Variants in NTM observed in about 807,000 individuals in gnomAD.
The protein encoded by NTM is IgLON family member 2.
A neutral mutation model predicts 42.1 loss-of-function variants in NTM; 13 were observed. That is an observed-to-expected ratio of 0.31 (90% confidence interval 0.20 to 0.49). NTM has a LOEUF of 0.49. Ranked by LOEUF, NTM falls within the 20% of genes least tolerant of loss-of-function variation. The pLI is 0.99. For missense variants in NTM, 373 were observed against 452.8 expected (o/e 0.82, Z 1.60); for synonymous variants, 187 against 179.2 (o/e 1.04, Z -0.35).
intron 2 of NTM, among the ~76,000 whole-genome samples, chr11:132,110,833 G>A (rs1056576068): frequency 2.6e-5 from 4 of 151,572 alleles, no homozygotes; most frequent in African/African-American, 9.7e-5. Context: ...TCAGATGTTC[G>A]AGACCAGCCT....
At chr11:132,078,890 CCAATTCTGAATGGGATTT>C (rs1566101946) in intron 2 of NTM, among the ~76,000 whole-genome samples, 3 of 152,142 alleles carry the variant, frequency 2.0e-5, no homozygotes, top group African/African-American at 7.2e-5. Flanking sequence ...TGGAATTTTG[CCAATTCTGAATGGGATTT>C]CAATAAGGAG....
chr11:131,933,317 C>T (rs753068741), intron 2 of NTM, among the ~76,000 whole-genome samples: 1 of 152,220 alleles, frequency 6.6e-6, no homozygotes, highest in Non-Finnish European at 1.5e-5. Flanking sequence ...GGGCTCAGCT[C>T]TTTCTGGTGC....
chr11:131,494,378 G>T (rs185713601), intron 1 of NTM, among the ~76,000 whole-genome samples: 5 of 152,162 alleles, frequency 3.3e-5, no homozygotes, highest in Non-Finnish European at 5.9e-5. Flanking sequence ...ACAGCTAAAC[G>T]TGCCATGGAA....
intron 4 of NTM, among the ~76,000 whole-genome samples, chr11:132,282,419 GAC>G (rs2094008299): frequency 6.6e-6 from 1 of 152,154 alleles, no homozygotes; most frequent in Non-Finnish European, 1.5e-5. Context: ...TTTACACAAA[GAC>G]ACATTTTTTA....
chr11:131,460,880 G>GA (rs899296578), intron 1 of NTM, among the ~76,000 whole-genome samples: 1 of 152,202 alleles, frequency 6.6e-6, no homozygotes, highest in Non-Finnish European at 1.5e-5. Flanking sequence ...TGTCACTGGG[G>GA]AAATTCAGCC....
At chr11:132,247,182 G>T (rs2139316912) in intron 4 of NTM, among the ~76,000 whole-genome samples, 1 of 152,316 alleles carries the variant, frequency 6.6e-6, no homozygotes, top group South Asian at 2.1e-4. Context: ...ATCGCCCTGT[G>T]GTTTGCCATC....
intron 1 of NTM, among the ~76,000 whole-genome samples, chr11:131,812,781 G>C (rs1399915761): frequency 6.6e-6 from 1 of 152,168 alleles, no homozygotes; most frequent in Non-Finnish European, 1.5e-5. Flanking sequence ...AGTGGAGAGG[G>C]AAGATGACTG....
At chr11:131,894,858 C>T (rs756056033) in intron 1 of NTM, among the ~76,000 whole-genome samples, 17 of 152,190 alleles carry the variant, frequency 1.1e-4, no homozygotes, top group Non-Finnish European at 2.4e-4. Context: ...TCTCTGTCAG[C>T]CTTGCTTCAC....
intron 2 of NTM, among the ~76,000 whole-genome samples, chr11:131,929,324 G>C (rs1370707443): frequency 2.1e-5 from 3 of 141,070 alleles, no homozygotes; most frequent in African/African-American, 2.5e-5. Flanking sequence ...CTGAACCAAC[G>C]GGGGGGCACA....
At chr11:131,930,949 C>T (rs762409056) in intron 2 of NTM, among the ~76,000 whole-genome samples, 1 of 152,160 alleles carries the variant, frequency 6.6e-6, no homozygotes, top group East Asian at 1.9e-4. Context: ...CTTTGATGCT[C>T]TTTGACTGTG....
At chr11:131,885,104 C>A (rs531029638) in intron 1 of NTM, among the ~76,000 whole-genome samples, 2 of 152,314 alleles carry the variant, frequency 1.3e-5, no homozygotes, top group South Asian at 4.1e-4. Context: ...GAGGCCACGG[C>A]TCTGAGGAGT....
rs2060914727 is a variant in NTM at position 131,605,949 on chromosome 11, ATTC to A, written c.82+235064_82+235066del. 3 of 898,528 alleles carry A rather than the reference ATTC, an allele frequency of 3.3e-6. No individual in the cohort carries two copies. The Admixed American group carries it at 1.9e-4, about 56-fold the overall frequency. 55.7% of individuals were successfully genotyped at this position (898,528 alleles called of 1,614,324 possible). On this transcript the variant is annotated intron_variant, in intron 1 of 8. Transcript: ENST00000683400. Reference sequence around the variant, plus strand: ...ATGTTACTTATTTAAAATTGTAAATATTCTTTCACTATTCTTTTCTTTTTTCTT... The same window carrying A: ...ATGTTACTTATTTAAAATTGTAAATATTTCACTATTCTTTTCTTTTTTCTT...
chr11:132,274,345 C>G (rs1039780207), intron 4 of NTM, among the ~76,000 whole-genome samples: 3 of 151,856 alleles, frequency 2.0e-5, no homozygotes, highest in Admixed American at 1.3e-4. Flanking sequence ...ATATTATAGA[C>G]ATTTATGGAT....
intron 4 of NTM, among the ~76,000 whole-genome samples, chr11:132,269,129 A>T (rs1422785022): frequency 6.6e-6 from 1 of 152,170 alleles, no homozygotes; most frequent in Non-Finnish European, 1.5e-5. Flanking sequence ...AAAACTCAGG[A>T]GAAAGGGCAT....
intron 1 of NTM, among the ~76,000 whole-genome samples, chr11:131,834,294 C>G (rs1311060425): frequency 1.3e-5 from 2 of 152,088 alleles, no homozygotes; most frequent in Non-Finnish European, 2.9e-5. Flanking sequence ...TTCCCAATAC[C>G]CACTCCCTTC....
intron 1 of NTM, among the ~76,000 whole-genome samples, chr11:131,606,278 A>G (rs2060951049): frequency 6.6e-6 from 1 of 151,892 alleles, no homozygotes; most frequent in South Asian, 2.1e-4. Context: ...CTGGTCCCGA[A>G]CTCTTGGCCT....
At chr11:132,068,248 A>C (rs941597969) in intron 2 of NTM, among the ~76,000 whole-genome samples, 2 of 152,160 alleles carry the variant, frequency 1.3e-5, no homozygotes, top group African/African-American at 4.8e-5. Flanking sequence ...TTTGCGTAAC[A>C]CTTCTTTCCT....
intron 4 of NTM, among the ~76,000 whole-genome samples, chr11:132,241,681 A>T (rs1266107236): frequency 6.6e-6 from 1 of 152,184 alleles, no homozygotes; most frequent in African/African-American, 2.4e-5. Flanking sequence ...TACTCCTAAT[A>T]CTAAAAATAT....
chr11:131,554,672 C>T (rs1357874766), intron 1 of NTM, among the ~76,000 whole-genome samples: 2 of 152,076 alleles, frequency 1.3e-5, no homozygotes, highest in South Asian at 2.1e-4. Context: ...ACAGGTGGGA[C>T]GCAAAGGAAT....
Sources: gnomAD v4.1 joint callset for allele counts (sites outside exome capture counted in the v4.1 genomes callset) on GRCh38, gnomAD v4.1.1 for gene constraint, MANE v1.5 for transcripts, NCBI Gene and HGNC (gene_info 2026-07-23, HGNC 2026-07-21) for gene names.